The following CDH13 variants were observed in gnomAD, a reference collection of about 807,000 sequenced individuals.
CDH13 encodes the protein cadherin-13.
CDH13 carries 24 observed loss-of-function variants against 63.8 expected under a neutral mutation model. The observed-to-expected ratio is 0.38, with a 90% confidence interval of 0.27 to 0.53. The LOEUF (loss-of-function observed/expected upper bound fraction) is 0.53. Among genes scored for constraint, CDH13 ranks in the 20% least tolerant of loss-of-function variants. CDH13 has a pLI of 0.85. For synonymous variants in CDH13, 503 were observed against 355.3 expected, an observed-to-expected ratio of 1.42 and a Z score of -4.67; for missense variants, 1,049 against 903.1, an observed-to-expected ratio of 1.16 and a Z score of -2.07.
intron 5 of CDH13, among the ~76,000 whole-genome samples, chr16:83,245,781 C>T (rs1338833169): frequency 6.6e-6 from 1 of 152,096 alleles, no homozygotes; most frequent in African/African-American, 2.4e-5. Flanking sequence ...CTCACCCTGT[C>T]TCCCAGGCTG....
At chr16:83,450,453 T>C (rs2072855421) in intron 6 of CDH13, among the ~76,000 whole-genome samples, 2 of 152,204 alleles carry the variant, frequency 1.3e-5, no homozygotes, top group South Asian at 4.1e-4. Context: ...TGAGGATCTA[T>C]GTAAAGGGTA....
chr16:83,320,826 C>G (rs2090207596), intron 5 of CDH13, among the ~76,000 whole-genome samples: 1 of 152,206 alleles, frequency 6.6e-6, no homozygotes, highest in African/African-American at 2.4e-5. Flanking sequence ...CATTAGATCT[C>G]TGGCTTAGGC....
chr16:83,060,262 T>G (rs1461300878), intron 3 of CDH13, among the ~76,000 whole-genome samples: 1 of 152,198 alleles, frequency 6.6e-6, no homozygotes, highest in Admixed American at 6.5e-5. Flanking sequence ...TGGTTCAAAT[T>G]AAAGAATATA....
At chr16:82,843,054 G>C (rs911317941) in intron 1 of CDH13, among the ~76,000 whole-genome samples, 1 of 152,218 alleles carries the variant, frequency 6.6e-6, no homozygotes, top group Non-Finnish European at 1.5e-5. Context: ...CTAAAAGGCT[G>C]CAGATGGATA....
At chr16:83,071,335 C>T (rs888529545) in intron 3 of CDH13, among the ~76,000 whole-genome samples, 3 of 152,136 alleles carry the variant, frequency 2.0e-5, no homozygotes, top group Non-Finnish European at 4.4e-5. Context: ...CCCCCTTTCT[C>T]GGATAAGGAG....
chr16:83,674,331 C>T (rs1914770494), intron 9 of CDH13, among the ~76,000 whole-genome samples: 1 of 152,144 alleles, frequency 6.6e-6, no homozygotes. Flanking sequence ...TGCCAAAGCC[C>T]CAGGCATCAT....
rs552179882 is a variant in CDH13, at chr16:82,805,203, T to C, written c.46-53159T>C. On this transcript the variant is annotated intron_variant, in intron 1 of 13. Transcript: ENST00000567109. The stretch of plus-strand genomic sequence containing the variant: ...TCTCTCTAATAGGACTGTGCTATGA[T>C]AGCTGTTGGTGGGAGAGAGGTCTTG... Among the ~76,000 whole-genome samples the C allele has an allele frequency of 3.7e-4, 57 of 152,274 alleles. 1 individual carries two copies. The highest frequency in any genetic ancestry group is 1.3e-3 in the African/African-American group (56 of 41,560).
intron 7 of CDH13, among the ~76,000 whole-genome samples, chr16:83,574,962 T>C (rs976862515): frequency 1.3e-4 from 20 of 151,808 alleles, no homozygotes; most frequent in African/African-American, 4.8e-4. Context: ...AATAGCAACA[T>C]TACGATAATA....
At chr16:83,564,496 C>G (rs1006576987) in intron 7 of CDH13, among the ~76,000 whole-genome samples, 1 of 149,868 alleles carries the variant, frequency 6.7e-6, no homozygotes. Flanking sequence ...GCAACCTCTG[C>G]CTCCCGGGTT....
chr16:83,741,551 A>G (rs1205046186), intron 10 of CDH13, among the ~76,000 whole-genome samples: 4 of 151,986 alleles, frequency 2.6e-5, no homozygotes, highest in African/African-American at 9.7e-5. Context: ...ATATATAGAG[A>G]TAGATCCATC....
rs1191909469 is a variant in CDH13 at position 83,588,169 on chromosome 16, C to A, written c.961-14285C>A. Among the ~76,000 whole-genome samples, 3 of 152,174 alleles carry A rather than the reference C, an allele frequency of 2.0e-5. No individual in the cohort carries two copies. In the South Asian group the frequency reaches 6.2e-4, roughly 31 times the overall value. On this transcript the variant is annotated intron_variant, in intron 7 of 13. Coordinates refer to ENST00000567109, the MANE Select transcript of CDH13 (RefSeq NM_001257.5). The stretch of plus-strand genomic sequence containing the variant: ...GCCACAGCCTCCCTCTGCATAGACA[C>A]CTCTCCAAAGGAGAAGGACCTTCCC...
intron 5 of CDH13, among the ~76,000 whole-genome samples, chr16:83,325,447 G>A (rs774644030): frequency 6.6e-6 from 1 of 152,066 alleles, no homozygotes; most frequent in Non-Finnish European, 1.5e-5. Context: ...GTTGGAAAAC[G>A]TTTTCTGTAA....
chr16:82,937,508 T>C (rs1284964251), intron 2 of CDH13, among the ~76,000 whole-genome samples: 1 of 152,188 alleles, frequency 6.6e-6, no homozygotes, highest in Non-Finnish European at 1.5e-5. Flanking sequence ...AGCATTTGTA[T>C]ATTTTCTCAG....
chr16:83,469,347 G>A (rs566099872), intron 6 of CDH13, among the ~76,000 whole-genome samples: 15 of 152,252 alleles, frequency 9.9e-5, no homozygotes, highest in African/African-American at 3.4e-4. Flanking sequence ...CAGTGAACGG[G>A]CAAGTTATCC....
intron 5 of CDH13, among the ~76,000 whole-genome samples, chr16:83,252,118 A>ACACACACACACG (rs1905627633): frequency 1.0e-5 from 1 of 97,036 alleles, no homozygotes; most frequent in Non-Finnish European, 2.0e-5. Flanking sequence ...ACACACACAC[A>ACACACACACACG]CACACACACA....
intron 8 of CDH13, among the ~76,000 whole-genome samples, chr16:83,611,440 G>C (rs1173453136): frequency 1.3e-5 from 2 of 151,044 alleles, no homozygotes; most frequent in African/African-American, 4.9e-5. Flanking sequence ...TATTTTTCTT[G>C]GTTGGTCCTG....
At chr16:83,402,008 G>C (rs1030033478) in intron 6 of CDH13, among the ~76,000 whole-genome samples, 1 of 152,156 alleles carries the variant, frequency 6.6e-6, no homozygotes. Flanking sequence ...CAAAAGAAAA[G>C]AAATGTTTCC....
chr16:82,871,598 C>G (rs1411754036), intron 2 of CDH13, among the ~76,000 whole-genome samples: 4 of 152,134 alleles, frequency 2.6e-5, no homozygotes, highest in Non-Finnish European at 4.4e-5. Context: ...CTTTGTTTTT[C>G]TCATTTGTAT....
At chr16:83,314,573 A>C (rs949711298) in intron 5 of CDH13, among the ~76,000 whole-genome samples, 5 of 151,848 alleles carry the variant, frequency 3.3e-5, no homozygotes, top group Non-Finnish European at 7.4e-5. Flanking sequence ...AAAATACGGT[A>C]TTTTTTTCAT....
Sources: allele counts gnomAD v4.1 joint callset (sites outside exome capture counted in the v4.1 genomes callset), GRCh38; gene constraint gnomAD v4.1.1; transcripts MANE v1.5; gene names NCBI Gene and HGNC (gene_info 2026-07-23, HGNC 2026-07-21).